TPD52L1: variants seen among roughly 807,000 people sequenced by gnomAD.
The protein encoded by TPD52L1 is TPD52 like 1, also known as tumor protein D53.
Under a neutral mutation model 28.7 loss-of-function variants are expected in TPD52L1, and 18 were observed. The observed-to-expected ratio is 0.63, with a 90% CI of 0.43 to 0.93. TPD52L1 has a LOEUF of 0.93. Among genes scored for constraint, TPD52L1 ranks in the 40% least tolerant of loss-of-function variants. TPD52L1 has a pLI of 0.00. For missense variants in TPD52L1, 203 were observed against 254.8 expected (o/e 0.80, Z 1.39); for synonymous variants, 75 against 88.8 (o/e 0.84, Z 0.88).
chr6:125,228,508 T>C (rs928480830), intron 2 of TPD52L1, among the ~76,000 whole-genome samples: 3 of 152,196 alleles, frequency 2.0e-5, no homozygotes, highest in African/African-American at 4.8e-5. Flanking sequence ...GCCAATTCCA[T>C]TCCTGCACCT....
chr6:125,206,195 C>T (rs904674525), intron 1 of TPD52L1, among the ~76,000 whole-genome samples: 9 of 152,140 alleles, frequency 5.9e-5, no homozygotes, highest in African/African-American at 2.2e-4. Flanking sequence ...CTCATGTGTT[C>T]TTTATATTTT....
rs1361002686 is a variant in TPD52L1 at position 125,257,152 on chromosome 6, C to T, written c.480C>T (p.Ser160=). The T allele has an allele frequency of 3.7e-6, 6 of 1,610,998 alleles. No homozygotes were observed. Among genetic ancestry groups the T allele is most frequent in the Non-Finnish European group, 5.1e-6 (6 of 1,177,860 alleles). ...AGAGGGTTGAGACAACTGTCACAAG[C>T]CTCAAGGTACAGATGAAGTGAATTC... ...FEERVETTVT[S]LKTKVGGTNP... The change falls in exon 6 of 7, where the codon AGC becomes AGT. Residue 160 remains serine, a synonymous_variant. Transcript: ENST00000534000.
At chr6:125,203,565 A>G in intron 1 of TPD52L1, 1 of 915,114 alleles carries the variant, frequency 1.1e-6, no homozygotes, top group South Asian at 5.0e-5. Context: ...ACATCTTCTC[A>G]TTGAAAGTAG....
intron 3 of TPD52L1, among the ~76,000 whole-genome samples, chr6:125,238,097 T>C (rs1337755760): frequency 1.3e-5 from 2 of 152,212 alleles, no homozygotes; most frequent in Non-Finnish European, 2.9e-5. Flanking sequence ...TGTAAGTAAG[T>C]CATTTTGTTC....
intron 1 of TPD52L1, chr6:125,154,650 A>G: frequency 2.1e-6 from 1 of 474,006 alleles, no homozygotes; most frequent in Non-Finnish European, 2.8e-6. Flanking sequence ...CGGTGGCTTC[A>G]GGAAGGGCGG....
chr6:125,241,674 A>G (rs1796619901), intron 3 of TPD52L1, among the ~76,000 whole-genome samples: 1 of 151,714 alleles, frequency 6.6e-6, no homozygotes, highest in African/African-American at 2.4e-5. Flanking sequence ...GATATCTCCC[A>G]TTTCATTTCT....
In TPD52L1 at chr6:125,203,544, A is replaced by G. The variant is rs17052858; in HGVS notation, c.20-16534A>G. ...ATTGGAGGAGCTGAGGATATTTGTG[A>G]CACATATTTTACATCTTCTCATTGA... On this transcript the variant is annotated intron_variant, in intron 1 of 6. Transcript: ENST00000534000. 1.2e-3 allele frequency: 914 copies of G among 736,596 alleles called. 9 individuals carry two copies. The East Asian group carries it at 0.038, about 31-fold the overall frequency. The allele number at this position is 736,596 out of a possible 1,614,324, so 45.6% of individuals were successfully genotyped here.
intron 1 of TPD52L1, among the ~76,000 whole-genome samples, chr6:125,170,824 C>A (rs945310592): frequency 1.3e-5 from 2 of 152,118 alleles, no homozygotes; most frequent in African/African-American, 4.8e-5. Flanking sequence ...TCTAGCTGAG[C>A]CTTTGTTTAG....
At chr6:125,156,855 G>A (rs1028792054) in intron 1 of TPD52L1, among the ~76,000 whole-genome samples, 26 of 152,164 alleles carry the variant, frequency 1.7e-4, no homozygotes, top group African/African-American at 6.0e-4. Flanking sequence ...GCAGTGTCAA[G>A]GATGACCAGC....
chr6:125,251,917 C>G (rs1419202362), intron 4 of TPD52L1: 1 of 1,170,090 alleles, frequency 8.5e-7, no homozygotes, highest in Admixed American at 2.0e-5. Flanking sequence ...CCTGTCTGTG[C>G]TCTGGGGCCC....
At position 125,195,586 on chromosome 6, in the gene TPD52L1, C is replaced by A. The variant is rs1190081377; in HGVS notation, c.20-24492C>A. Among the ~76,000 whole-genome samples, 4 of 151,074 alleles carry A rather than the reference C, an allele frequency of 2.6e-5. No homozygotes were observed. The East Asian group carries it at 5.8e-4, about 22-fold the overall frequency. On this transcript the variant is annotated intron_variant, in intron 1 of 6. Transcript: ENST00000534000. ...ATGGAAAAGGCACTTACGTGAAATT[C>A]TCTGATGATACTGAACAAATTGCAT...
intron 3 of TPD52L1, among the ~76,000 whole-genome samples, chr6:125,234,722 GT>G (rs1228351518): frequency 6.6e-6 from 1 of 152,046 alleles, no homozygotes; most frequent in Non-Finnish European, 1.5e-5. Context: ...ATTGCACATA[GT>G]TTTATATGAT....
chr6:125,200,646 G>T (rs1474082677), intron 1 of TPD52L1, among the ~76,000 whole-genome samples: 2 of 152,154 alleles, frequency 1.3e-5, no homozygotes, highest in Non-Finnish European at 2.9e-5. Context: ...TCATACAAAT[G>T]CATGGATGTT....
intron 3 of TPD52L1, among the ~76,000 whole-genome samples, chr6:125,229,653 T>C (rs925611945): frequency 1.1e-4 from 17 of 152,232 alleles, no homozygotes; most frequent in Admixed American, 3.3e-4. Context: ...TCACTATGTA[T>C]GTCTTCCAAA....
chr6:125,164,584 C>T (rs1216658524), intron 1 of TPD52L1, among the ~76,000 whole-genome samples: 1 of 152,110 alleles, frequency 6.6e-6, no homozygotes, highest in East Asian at 1.9e-4. Context: ...TAGATGCTGG[C>T]TGAAAGGGCT....
chr6:125,167,790 C>A (rs1019477128), intron 1 of TPD52L1, among the ~76,000 whole-genome samples: 1 of 151,536 alleles, frequency 6.6e-6, no homozygotes, highest in African/African-American at 2.4e-5. Flanking sequence ...GTGGCATCCA[C>A]AGGGTAGGAA....
At chr6:125,172,548 A>ATATATG (rs1791540282) in intron 1 of TPD52L1, among the ~76,000 whole-genome samples, 2 of 100,806 alleles carry the variant, frequency 2.0e-5, no homozygotes, top group South Asian at 6.1e-4. Context: ...ATATATATAT[A>ATATATG]TATAATATAT....
Position 125,262,967 on chromosome 6 carries a change from A to T in TPD52L1, c.*5A>T, listed in dbSNP as rs577516158. 1 of 1,612,140 alleles carries T rather than the reference A, an allele frequency of 6.2e-7. No homozygotes were observed. The highest frequency in any genetic ancestry group is 1.7e-5 in the Admixed American group (1 of 59,684). Reference sequence around the variant, plus strand: ...GAGGAGGAGCTGCAGTGCTAAGTCCAGCCAGCGTGCAGCTGCATCCAGAAA... The same window carrying T: ...GAGGAGGAGCTGCAGTGCTAAGTCCTGCCAGCGTGCAGCTGCATCCAGAAA... On this transcript the variant is annotated 3_prime_UTR_variant, in exon 7 of 7. Coordinates refer to ENST00000534000, the MANE Select transcript of TPD52L1 (RefSeq NM_003287.4).
At chr6:125,198,766 T>G (rs1439490573) in intron 1 of TPD52L1, among the ~76,000 whole-genome samples, 3 of 152,158 alleles carry the variant, frequency 2.0e-5, no homozygotes, top group Non-Finnish European at 4.4e-5. Flanking sequence ...AATGGCTCAA[T>G]TTTGGAAACG....
Sources: gnomAD v4.1 joint callset for allele counts (sites outside exome capture counted in the v4.1 genomes callset) on GRCh38, gnomAD v4.1.1 for gene constraint, MANE v1.5 for transcripts, NCBI Gene and HGNC (gene_info 2026-07-23, HGNC 2026-07-21) for gene names.